Variants in SYNE2 observed in about 807,000 individuals in gnomAD.
SYNE2 encodes nesprin-2.
A neutral mutation model predicts 856.3 loss-of-function variants in SYNE2; 431 were observed. The ratio of observed to expected loss-of-function variants is 0.50; its 90% confidence interval spans 0.47 to 0.55. The LOEUF is 0.55. SYNE2 is among the 20% of genes least tolerant of loss of function. The pLI, the probability that SYNE2 is intolerant of heterozygous loss-of-function variation, is 0.00. For missense variants in SYNE2, 8,129 were observed against 8,023.2 expected (o/e 1.01, Z -0.50); for synonymous variants, 2,923 against 2,872.3 (o/e 1.02, Z -0.56).
At position 64,025,104 on chromosome 14, in the gene SYNE2, CTTTAAGTGGTA is replaced by C; in HGVS notation, c.5961-22_5961-12del. 1 of 1,613,940 alleles carries C rather than the reference CTTTAAGTGGTA, an allele frequency of 6.2e-7. No homozygotes were observed. The highest frequency in any genetic ancestry group is 8.5e-7 in the Non-Finnish European group (1 of 1,179,952). On this transcript the variant is annotated splice_polypyrimidine_tract_variant and intron_variant, in intron 40 of 115. Coordinates refer to ENST00000555002, the MANE Select transcript of SYNE2 (RefSeq NM_182914.3). ...TCCATGGTGTGGTTACTCCTATAAA[CTTTAAGTGGTA>C]TTTGGAATTTACAGGGAACAGTTTG... is the stretch of plus-strand genomic sequence containing the variant.
chr14:63,970,651 C>CTTTTTTTTTTTTTT (rs61126600), intron 11 of SYNE2, among the ~76,000 whole-genome samples: 19 of 98,884 alleles, frequency 1.9e-4, no homozygotes, highest in African/African-American at 3.0e-4. Flanking sequence ...TTTCTTTTTT[C>CTTTTTTTTTTTTTT]TTTTTTTTTT....
At chr14:63,766,792 G>A (rs1051573313) in intron 1 of SYNE2, among the ~76,000 whole-genome samples, 1 of 152,174 alleles carries the variant, frequency 6.6e-6, no homozygotes, top group Admixed American at 6.5e-5. Flanking sequence ...TCTGGGGAGA[G>A]AGGGACAAAA....
At chr14:64,155,338 G>T (rs2098277201) in intron 85 of SYNE2, among the ~76,000 whole-genome samples, 1 of 152,172 alleles carries the variant, frequency 6.6e-6, no homozygotes, top group Non-Finnish European at 1.5e-5. Flanking sequence ...ATTATGGTGA[G>T]TGAAAGACGC....
chr14:64,191,489 C>T (rs1186245113), intron 99 of SYNE2, among the ~76,000 whole-genome samples: 1 of 152,124 alleles, frequency 6.6e-6, no homozygotes, highest in East Asian at 1.9e-4. Flanking sequence ...GAGAGAGACA[C>T]ATACATTGAG....
intron 1 of SYNE2, among the ~76,000 whole-genome samples, chr14:63,863,455 G>A (rs1201835113): frequency 6.6e-6 from 1 of 152,140 alleles, no homozygotes; most frequent in African/African-American, 2.4e-5. Flanking sequence ...GCTTCTGTGT[G>A]ATACATGAAT....
chr14:64,159,477 C>A, intron 87 of SYNE2, 35 bp downstream of exon 87: 1 of 1,608,490 alleles, frequency 6.2e-7, no homozygotes, highest in East Asian at 2.2e-5. Flanking sequence ...TGATAGATAT[C>A]TTTATCTTAA....
intron 49 of SYNE2, among the ~76,000 whole-genome samples, chr14:64,056,725 C>T (rs897799501): frequency 6.6e-6 from 1 of 151,402 alleles, no homozygotes; most frequent in African/African-American, 2.4e-5. Flanking sequence ...GGCTGGAGTG[C>T]AGTGGCACGA....
At chr14:64,104,433 C>A (rs2097757840) in intron 64 of SYNE2, among the ~76,000 whole-genome samples, 1 of 149,758 alleles carries the variant, frequency 6.7e-6, no homozygotes, top group African/African-American at 2.5e-5. Context: ...CCTCTTCCTT[C>A]TCCCTGTTTT....
chr14:63,980,769 T>C, intron 15 of SYNE2, 37 bp downstream of exon 15: 1 of 1,383,204 alleles, frequency 7.2e-7, no homozygotes, highest in Non-Finnish European at 1.0e-6. Flanking sequence ...GGAATGACTG[T>C]CACTTAACAG....
chr14:63,913,466 CT>C (rs200165004), intron 2 of SYNE2, among the ~76,000 whole-genome samples: 50 of 139,514 alleles, frequency 3.6e-4, no homozygotes, highest in Non-Finnish European at 4.2e-4. Context: ...TTCTTTCTTT[CT>C]TTTTTTTTTT....
chr14:64,045,167 T>C (rs1212451856), intron 45 of SYNE2, among the ~76,000 whole-genome samples: 3 of 152,152 alleles, frequency 2.0e-5, no homozygotes, highest in Admixed American at 2.0e-4. Flanking sequence ...TCTGTTGGCT[T>C]TTCTGCCAAG....
At chr14:63,896,556 C>T (rs1029123336) in intron 1 of SYNE2, among the ~76,000 whole-genome samples, 3 of 152,108 alleles carry the variant, frequency 2.0e-5, no homozygotes, top group Non-Finnish European at 4.4e-5. Context: ...GATTCCTTGG[C>T]AGGAATCTGA....
At position 63,948,750 on chromosome 14, in the gene SYNE2, GTATATATA is replaced by G. The variant is rs1280856751; in HGVS notation, c.409-1073_409-1066del. Among the ~76,000 whole-genome samples the G allele has an allele frequency of 2.9e-4, 28 of 96,132 alleles. 2 individuals are homozygous for G. In the East Asian group the frequency reaches 7.5e-3, roughly 26 times the overall value. 63.1% of individuals were successfully genotyped at this position (96,132 alleles called of 152,430 possible). On this transcript the variant is annotated intron_variant, in intron 6 of 115. Coordinates refer to ENST00000555002, the MANE Select transcript of SYNE2 (RefSeq NM_182914.3). ...TATATATGTGTATAGATATGTGTGT[GTATATATA>G]TGTATATATATGTATGTGTGTGTGT...
At chr14:64,073,795 G>A (rs1184459753) in intron 52 of SYNE2, among the ~76,000 whole-genome samples, 173 bp from the exon 53 acceptor site, 3 of 152,152 alleles carry the variant, frequency 2.0e-5, no homozygotes, top group South Asian at 2.1e-4. Context: ...TTTTGTACCT[G>A]TTTTTATATG....
At chr14:63,922,518 TA>T (rs1486934153) in intron 2 of SYNE2, among the ~76,000 whole-genome samples, 2 of 152,162 alleles carry the variant, frequency 1.3e-5, no homozygotes, top group African/African-American at 4.8e-5. Context: ...AGCCATGTGT[TA>T]GGGCTAGGTG....
At chr14:64,079,616 A>G (rs1384483823) in intron 55 of SYNE2, among the ~76,000 whole-genome samples, 5 of 152,170 alleles carry the variant, frequency 3.3e-5, no homozygotes, top group Non-Finnish European at 7.4e-5. Flanking sequence ...AATCCAACCT[A>G]TTGGTTTCTT....
intron 2 of SYNE2, among the ~76,000 whole-genome samples, chr14:63,917,535 A>G (rs373958953): frequency 4.6e-5 from 7 of 152,300 alleles, no homozygotes; most frequent in African/African-American, 1.7e-4. Context: ...CAATGGCACA[A>G]TCTTGGCTCA....
At chr14:64,210,216 TAGA>T (rs1168454070) in intron 103 of SYNE2, 92 bp downstream of exon 103, 2 of 1,469,496 alleles carry the variant, frequency 1.4e-6, no homozygotes, top group East Asian at 2.4e-5. Flanking sequence ...AAGCAGCAGG[TAGA>T]AGGTTTCACT....
At chr14:63,787,673 T>C (rs185559793) in intron 1 of SYNE2, among the ~76,000 whole-genome samples, 32 of 152,350 alleles carry the variant, frequency 2.1e-4, no homozygotes, top group South Asian at 1.9e-3. Context: ...GGTAGTCCCA[T>C]GATCTCTCCA....
Sources: gnomAD v4.1 joint callset for allele counts (sites outside exome capture counted in the v4.1 genomes callset) on GRCh38, gnomAD v4.1.1 for gene constraint, MANE v1.5 for transcripts, NCBI Gene and HGNC (gene_info 2026-07-23, HGNC 2026-07-21) for gene names.